Variants in SGCZ observed in about 807,000 individuals in gnomAD.
SGCZ encodes the protein zeta-sarcoglycan.
SGCZ carries 40 observed loss-of-function variants against 41.3 expected under a neutral mutation model. That is an observed-to-expected ratio of 0.97 (90% CI 0.75 to 1.26). The LOEUF is 1.26. Among genes scored for constraint, SGCZ ranks in the 50% most tolerant of loss-of-function variants. SGCZ has a pLI of 0.00. For missense variants in SGCZ, 552 were observed against 369.8 expected, an observed-to-expected ratio of 1.49 and a Z score of -4.04; for synonymous variants, 206 against 137.5, an observed-to-expected ratio of 1.50 and a Z score of -3.49.
At chr8:14,980,305 C>A (rs1177619904) in intron 1 of SGCZ, among the ~76,000 whole-genome samples, 3 of 152,170 alleles carry the variant, frequency 2.0e-5, no homozygotes, top group East Asian at 3.9e-4. Flanking sequence ...GGCAGAGTAA[C>A]AAGTAAGAAG....
intron 1 of SGCZ, among the ~76,000 whole-genome samples, chr8:14,850,176 G>A (rs1803264639): frequency 6.6e-6 from 1 of 152,076 alleles, no homozygotes; most frequent in South Asian, 2.1e-4. Flanking sequence ...TATTATCTCA[G>A]TGTTAAATTT....
At chr8:14,981,695 G>A (rs894366825) in intron 1 of SGCZ, among the ~76,000 whole-genome samples, 3 of 152,160 alleles carry the variant, frequency 2.0e-5, no homozygotes, top group African/African-American at 4.8e-5. Flanking sequence ...TGAACAGGAT[G>A]TGTATAAATA....
intron 2 of SGCZ, among the ~76,000 whole-genome samples, chr8:14,488,058 C>A (rs1386613432): frequency 6.6e-6 from 1 of 152,264 alleles, no homozygotes; most frequent in East Asian, 1.9e-4. Flanking sequence ...CCTGAGGCTC[C>A]CAAATGTGCA....
intron 1 of SGCZ, among the ~76,000 whole-genome samples, chr8:14,634,435 G>C (rs1239349165): frequency 1.3e-5 from 2 of 151,420 alleles, no homozygotes; most frequent in Non-Finnish European, 3.0e-5. Flanking sequence ...TTGAGTATTT[G>C]GCCACTTAAT....
intron 1 of SGCZ, among the ~76,000 whole-genome samples, chr8:15,061,846 C>T (rs1440310607): frequency 6.6e-6 from 1 of 152,108 alleles, no homozygotes; most frequent in East Asian, 1.9e-4. Flanking sequence ...GACTAAGACA[C>T]CACCCTACAA....
intron 1 of SGCZ, among the ~76,000 whole-genome samples, chr8:14,885,312 T>C (rs756313323): frequency 5.3e-5 from 8 of 152,184 alleles, no homozygotes; most frequent in Non-Finnish European, 8.8e-5. Flanking sequence ...GATTAATTAA[T>C]ACAGATACGG....
intron 1 of SGCZ, among the ~76,000 whole-genome samples, chr8:14,924,985 G>A (rs1240891960): frequency 6.6e-6 from 1 of 151,306 alleles, no homozygotes; most frequent in Admixed American, 6.6e-5. Context: ...AGCCTCCCGA[G>A]TAGCTGCAAT....
chr8:14,227,837 A>G (rs188598165), intron 4 of SGCZ, among the ~76,000 whole-genome samples: 23 of 152,202 alleles, frequency 1.5e-4, no homozygotes, highest in African/African-American at 5.3e-4. Context: ...TTTTCCCAAA[A>G]CTAAATACAA....
chr8:15,137,768 C>T (rs566366338), intron 1 of SGCZ, among the ~76,000 whole-genome samples: 72 of 152,310 alleles, frequency 4.7e-4, no homozygotes, highest in African/African-American at 1.7e-3. Flanking sequence ...AATGTCCAGG[C>T]AGAAGTTTGC....
intron 1 of SGCZ, among the ~76,000 whole-genome samples, chr8:15,109,790 T>C (rs982442031): frequency 6.6e-6 from 1 of 152,196 alleles, no homozygotes; most frequent in Non-Finnish European, 1.5e-5. Flanking sequence ...TTATTGTTGC[T>C]GTTAAAATTA....
chr8:14,316,534 G>T (rs1015657125), intron 3 of SGCZ, among the ~76,000 whole-genome samples: 1 of 151,932 alleles, frequency 6.6e-6, no homozygotes, highest in Admixed American at 6.6e-5. Flanking sequence ...TTAATAGAAG[G>T]AAGGATTTGT....
chr8:14,802,136 G>A (rs1801339634), intron 1 of SGCZ, among the ~76,000 whole-genome samples: 1 of 152,140 alleles, frequency 6.6e-6, no homozygotes, highest in Non-Finnish European at 1.5e-5. Context: ...ATCTTGAGTT[G>A]AATTTGACCT....
chr8:14,198,599 G>GA (rs33970266), intron 4 of SGCZ, among the ~76,000 whole-genome samples: 107,196 of 151,270 alleles, frequency 0.71, 38,757 homozygotes, highest in African/African-American at 0.84. Flanking sequence ...AATAAAAGTT[G>GA]AAAAAAAAGA....
intron 1 of SGCZ, among the ~76,000 whole-genome samples, chr8:14,660,738 C>G (rs968316913): frequency 6.6e-6 from 1 of 151,926 alleles, no homozygotes; most frequent in African/African-American, 2.4e-5. Context: ...GTAGAAAGGT[C>G]TTACTGGGAA....
intron 4 of SGCZ, among the ~76,000 whole-genome samples, chr8:14,221,579 T>C (rs983662250): frequency 2.6e-5 from 4 of 152,198 alleles, no homozygotes; most frequent in African/African-American, 9.7e-5. Flanking sequence ...CATGGATTGT[T>C]TGAATTACCA....
intron 2 of SGCZ, among the ~76,000 whole-genome samples, chr8:14,366,424 C>T (rs1426637628): frequency 1.3e-5 from 2 of 152,110 alleles, no homozygotes; most frequent in Non-Finnish European, 2.9e-5. Flanking sequence ...TGGGGGAAAC[C>T]ACCTGGATTA....
chr8:14,998,843 TATAA>T (rs1242996032), intron 1 of SGCZ, among the ~76,000 whole-genome samples: 1 of 152,206 alleles, frequency 6.6e-6, no homozygotes, highest in Admixed American at 6.5e-5. Context: ...GAAAACCTAT[TATAA>T]ATGTCTCTAT....
chr8:15,224,580 C>G (rs1182911836), intron 1 of SGCZ, among the ~76,000 whole-genome samples: 1 of 151,990 alleles, frequency 6.6e-6, no homozygotes, highest in Non-Finnish European at 1.5e-5. Context: ...AAATAAAACC[C>G]AATATATTAG....
rs555824350 is a variant in SGCZ at position 14,460,349 on chromosome 8, T to C, written c.234+94383A>G. On this transcript the variant is annotated intron_variant, in intron 2 of 7. Coordinates refer to ENST00000382080, the MANE Select transcript of SGCZ (RefSeq NM_139167.4). ...AAAAGCCTAAATTCAGAAACCACTGTCCTAAAACATTCACACGATATTTAG... is the reference window on the plus strand; with the variant it reads ...AAAAGCCTAAATTCAGAAACCACTGCCCTAAAACATTCACACGATATTTAG... Among the ~76,000 whole-genome samples, 35 of 152,298 alleles carry C rather than the reference T, an allele frequency of 2.3e-4. No individual in the cohort carries two copies. In the South Asian group the frequency reaches 6.8e-3, roughly 30 times the overall value.
Sources: gnomAD v4.1 joint callset for allele counts (sites outside exome capture counted in the v4.1 genomes callset) on GRCh38, gnomAD v4.1.1 for gene constraint, MANE v1.5 for transcripts, NCBI Gene and HGNC (gene_info 2026-07-23, HGNC 2026-07-21) for gene names.